Variants in GDA observed in about 807,000 individuals in gnomAD.
The protein encoded by GDA is cytoplasmic PSD-95 interactor.
Under a neutral mutation model 59.6 loss-of-function variants are expected in GDA, and 18 were observed. That is an observed-to-expected ratio of 0.30 (90% CI 0.21 to 0.45). The LOEUF (loss-of-function observed/expected upper bound fraction) is 0.45, where lower values mean the gene tolerates loss of function less well. Ranked by LOEUF, GDA falls within the 20% of genes least tolerant of loss-of-function variation. GDA has a pLI of 1.00. For synonymous variants in GDA, 201 were observed against 201.1 expected (o/e 1.00, Z 0.00); for missense variants, 427 against 552.3 (o/e 0.77, Z 2.27).
chr9:72,114,762 G>C (rs1825377331), exon 1 of GDA: 1 of 152,210 alleles, frequency 6.6e-6, no homozygotes, highest in Non-Finnish European at 1.5e-5. Context: ...TTGAAGAAGA[G>C]GGCAGCAGCC....
chr9:72,118,273 C>CAAAAAAAAAA (rs373179585), intron 1 of GDA, among the ~76,000 whole-genome samples: 16 of 66,146 alleles, frequency 2.4e-4, no homozygotes, highest in African/African-American at 6.1e-4. Flanking sequence ...GACTCCACCT[C>CAAAAAAAAAA]AAAAAAAAAA....
chr9:72,163,555 C>T (rs973648272), intron 1 of GDA, among the ~76,000 whole-genome samples: 18 of 151,208 alleles, frequency 1.2e-4, no homozygotes, highest in African/African-American at 2.7e-4. Flanking sequence ...TGCAGTGGCA[C>T]GATCTCGGCT....
chr9:72,238,065 A>C (rs1839216302), intron 10 of GDA, among the ~76,000 whole-genome samples: 1 of 152,120 alleles, frequency 6.6e-6, no homozygotes, highest in Non-Finnish European at 1.5e-5. Flanking sequence ...TGAGTGTGTA[A>C]GGCTCATTAC....
At chr9:72,186,995 TAG>T (rs1289445274) in intron 1 of GDA, among the ~76,000 whole-genome samples, 1 of 152,252 alleles carries the variant, frequency 6.6e-6, no homozygotes, top group East Asian at 1.9e-4. Context: ...GCTCTATGAG[TAG>T]AGACTATGCA....
rs889523338 is a variant in GDA, at chr9:72,249,467, A to G, written c.*1125A>G. 1.2e-5 allele frequency: 9 copies of G among 767,018 alleles called. No individual in the cohort carries two copies. The highest frequency in any genetic ancestry group is 6.6e-4 in the Middle Eastern group (1 of 1,508). The allele number at this position is 767,018 out of a possible 1,614,324, so 47.5% of individuals were successfully genotyped here. ...TATCCAGTTTTCTGTTTAACTCCTT[A>G]TAATGTTTAGGATATTAAAATTTTA... On this transcript the variant is annotated 3_prime_UTR_variant, in exon 14 of 14. Coordinates refer to ENST00000358399, the MANE Select transcript of GDA (RefSeq NM_004293.5).
chr9:72,116,515 T>G (rs1825454095), intron 1 of GDA, among the ~76,000 whole-genome samples: 1 of 151,070 alleles, frequency 6.6e-6, no homozygotes, highest in Non-Finnish European at 1.5e-5. Flanking sequence ...TCCGAGTAGG[T>G]AGGACTACAG....
chr9:72,245,096 G>C, intron 11 of GDA, 52 bp from the exon 12 acceptor site: 1 of 1,587,816 alleles, frequency 6.3e-7, no homozygotes, highest in Non-Finnish European at 8.6e-7. Flanking sequence ...TGAGACATTA[G>C]TGTGGTCTGA....
At chr9:72,126,124 G>A (rs887258514) in intron 1 of GDA, among the ~76,000 whole-genome samples, 6 of 152,048 alleles carry the variant, frequency 3.9e-5, no homozygotes, top group African/African-American at 1.2e-4. Flanking sequence ...CACCATGTTG[G>A]CCAGGCTGGT....
chr9:72,219,989 G>A (rs1244677498), intron 6 of GDA, among the ~76,000 whole-genome samples: 1 of 152,168 alleles, frequency 6.6e-6, no homozygotes, highest in Non-Finnish European at 1.5e-5. Flanking sequence ...ATTCATTGCA[G>A]TATCATTCAG....
intron 8 of GDA, among the ~76,000 whole-genome samples, 167 bp from the exon 9 acceptor site, chr9:72,227,776 A>G (rs541317282): frequency 5.4e-4 from 82 of 152,364 alleles, no homozygotes; most frequent in African/African-American, 1.8e-3. Context: ...TTTCTAAGGT[A>G]TAACTTGTAC....
At chr9:72,208,026 C>T (rs1211375225) in intron 3 of GDA, among the ~76,000 whole-genome samples, 2 of 152,062 alleles carry the variant, frequency 1.3e-5, no homozygotes, top group Admixed American at 6.5e-5. Flanking sequence ...CTCTTGATCC[C>T]TAGAATTCAA....
At chr9:72,167,601 G>A (rs1829475673) in intron 1 of GDA, among the ~76,000 whole-genome samples, 1 of 152,156 alleles carries the variant, frequency 6.6e-6, no homozygotes, top group African/African-American at 2.4e-5. Context: ...CCCAGCCTCT[G>A]CCTGCAATGT....
At position 72,183,297 on chromosome 9, in the gene GDA, G is replaced by A. The variant is rs574964555; in HGVS notation, c.124-12203G>A. 5.0e-4 allele frequency among the ~76,000 whole-genome samples: 76 copies of A among 151,948 alleles called. 1 individual carries two copies. The highest frequency in any genetic ancestry group is 1.0e-3 in the Non-Finnish European group (71 of 67,986). On this transcript the variant is annotated intron_variant, in intron 1 of 13. Coordinates refer to ENST00000358399, the MANE Select transcript of GDA (RefSeq NM_004293.5). ...TCCTGACCCTGGGGACTGTCTCCTC[G>A]GCTACAGCCTTGCCCATTCCACCTG...
rs565413072 is a variant in GDA at position 72,119,180 on chromosome 9, G to A, written c.-100+4347G>A. On this transcript the variant is annotated intron_variant, in intron 1 of 13. Coordinates refer to the GDA transcript ENST00000545168. ...AAAAAATGTCAGTGGAGGAAATAAT[G>A]TTTAGGAATAAAGGATTAGCTTTCT... is the stretch of plus-strand genomic sequence containing the variant. Among the ~76,000 whole-genome samples, 5 of 152,286 alleles carry A rather than the reference G, an allele frequency of 3.3e-5. No individual in the cohort carries two copies. The South Asian group carries it at 6.2e-4, about 19-fold the overall frequency.
Position 72,173,329 on chromosome 9 carries a change from C to G in GDA, c.124-22171C>G, listed in dbSNP as rs1310714684. ...TTCTGGTGAAATACTGCTCTGACTT[C>G]CCCTTCTTTTTTTTTTTTTTTTAGA... On this transcript the variant is annotated intron_variant, in intron 1 of 13. Coordinates refer to ENST00000358399, the MANE Select transcript of GDA (RefSeq NM_004293.5). Among the ~76,000 whole-genome samples the G allele has an allele frequency of 3.3e-5, 5 of 151,954 alleles. No individual in the cohort carries two copies. The East Asian group carries it at 7.7e-4, about 24-fold the overall frequency.
At position 72,248,697 on chromosome 9, in the gene GDA, T is replaced by A. The variant is rs1036892757; in HGVS notation, c.*355T>A. Reference sequence around the variant, plus strand: ...GAAAGAAAAGATGTTCCTAAAAGGTTAGATATTTTGAGCTAATAATTGCAA... The same window carrying A: ...GAAAGAAAAGATGTTCCTAAAAGGTAAGATATTTTGAGCTAATAATTGCAA... On this transcript the variant is annotated 3_prime_UTR_variant, in exon 14 of 14. Coordinates refer to ENST00000358399, the MANE Select transcript of GDA (RefSeq NM_004293.5). 7.2e-5 allele frequency: 74 copies of A among 1,022,768 alleles called. No homozygotes were observed. The highest frequency in any genetic ancestry group is 8.0e-5 in the Non-Finnish European group (68 of 852,162). 63.4% of individuals were successfully genotyped at this position (1,022,768 alleles called of 1,614,324 possible). A position where few individuals can be genotyped will look rare whatever the true frequency, so the allele number is the denominator to read the frequency against.
chr9:72,219,552 A>G, intron 6 of GDA, 46 bp downstream of exon 6: 1 of 1,425,686 alleles, frequency 7.0e-7, no homozygotes, highest in Non-Finnish European at 9.8e-7. Context: ...CCTTTGCATT[A>G]GCTGTAGGAT....
rs150920643 is a variant in GDA at position 72,232,165 on chromosome 9, G to A, written c.988+984G>A. ...ACTGAATTAAAAATTTTTTTAATGG[G>A]TATGGGGCAGGAGGACGTGTTTTCT... On this transcript the variant is annotated intron_variant, in intron 10 of 13. Transcript: ENST00000358399. Among the ~76,000 whole-genome samples, 59 of 152,260 alleles carry A rather than the reference G, an allele frequency of 3.9e-4. 2 individuals carry two copies. The highest frequency in any genetic ancestry group is 1.3e-3 in the African/African-American group (52 of 41,540).
chr9:72,210,198 G>A lies in GDA; in HGVS notation c.385-489G>A, dbSNP rs553425343. Among the ~76,000 whole-genome samples, 4 of 152,212 alleles carry A rather than the reference G, an allele frequency of 2.6e-5. No individual in the cohort carries two copies. The South Asian group carries it at 6.2e-4, about 24-fold the overall frequency. ...ATATTGAAATGTTTTCTCTGCTCAT[G>A]TCTCTCCTCTCATGTTCTTCTTGTG... On this transcript the variant is annotated intron_variant, in intron 3 of 13. Transcript: ENST00000358399.
Sources: allele counts gnomAD v4.1 joint callset (sites outside exome capture counted in the v4.1 genomes callset), GRCh38; gene constraint gnomAD v4.1.1; transcripts MANE v1.5; gene names NCBI Gene and HGNC (gene_info 2026-07-23, HGNC 2026-07-21).